Variants in MUC5B observed in about 807,000 individuals in gnomAD.
MUC5B encodes the protein mucin 5B, oligomeric mucus/gel-forming, also known as mucin-5B.
A neutral mutation model predicts 376.9 loss-of-function variants in MUC5B; 116 were observed. That is an observed-to-expected ratio of 0.31 (90% CI 0.26 to 0.36). MUC5B has a LOEUF of 0.36. Ranked by LOEUF, MUC5B falls within the 10% of genes least tolerant of loss-of-function variation. The pLI is 1.00. For missense variants in MUC5B, 7,165 were observed against 7,769.9 expected, an observed-to-expected ratio of 0.92 and a Z score of 2.93; for synonymous variants, 3,517 against 3,390.9, an observed-to-expected ratio of 1.04 and a Z score of -1.29.
chr11:1,239,715 G>C lies in MUC5B; in HGVS notation c.3584-84G>C, dbSNP rs1409023483. 2.7e-5 allele frequency: 40 copies of C among 1,500,214 alleles called. No individual in the cohort carries two copies. In the Admixed American group the frequency reaches 8.8e-4, roughly 33 times the overall value. The allele number at this position is 1,500,214 out of a possible 1,614,324, so 92.9% of individuals were successfully genotyped here. A position where few individuals can be genotyped will look rare whatever the true frequency, so the allele number is the denominator to read the frequency against. On this transcript the variant is annotated intron_variant, in intron 27 of 48. Coordinates refer to ENST00000529681, the MANE Select transcript of MUC5B (RefSeq NM_002458.3). ...GCAGGCCCCTGCTGGCTGGTGGGGG[G>C]CGGCTACTCCCTGCAGCATGGAGCC...
intron 33 of MUC5B, 55 bp from the exon 34 acceptor site, chr11:1,254,037 G>C (rs1212329548): frequency 1.3e-6 from 2 of 1,572,980 alleles, no homozygotes; most frequent in Admixed American, 3.6e-5. Context: ...CATGACGCCT[G>C]GGGAGCGAGG....
intron 44 of MUC5B, 54 bp from the exon 45 acceptor site, chr11:1,259,702 G>A (rs1412429345): frequency 6.3e-6 from 10 of 1,583,882 alleles, no homozygotes; most frequent in African/African-American, 5.4e-5. Flanking sequence ...AGGCTGGGCC[G>A]GGGCATGTGC....
At chr11:1,230,681 C>A in intron 12 of MUC5B, 81 bp downstream of exon 12, 1 of 1,324,386 alleles carries the variant, frequency 7.6e-7, no homozygotes, top group East Asian at 2.5e-5. Context: ...GTCAGGTCCC[C>A]CTCCAGCCCC....
At position 1,237,029 on chromosome 11, in the gene MUC5B, C is replaced by A; in HGVS notation, c.3162C>A (p.Ser1054Arg). Residue 1054 changes from serine to arginine, a missense_variant, in exon 25 of 49, where the codon AGC (serine) becomes AGA (arginine). Around this residue, in one of 31 missense-constraint regions of MUC5B, gnomAD observed 143 missense variants for 193.2 expected, o/e 0.74. Coordinates refer to ENST00000529681, the MANE Select transcript of MUC5B (RefSeq NM_002458.3). ...GGGACGCACTGGAGTTTGGGAACAGCTGGAAGCTCTCCCCCTCCTGCCCGG... is the reference window on the plus strand; with the variant it reads ...GGGACGCACTGGAGTTTGGGAACAGATGGAAGCTCTCCCCCTCCTGCCCGG... ...VVGDALEFGN[S>R]WKLSPSCPDA... 1.3e-6 allele frequency: 2 copies of A among 1,579,432 alleles called. No individual in the cohort carries two copies. The highest frequency in any genetic ancestry group is 1.7e-6 in the Non-Finnish European group (2 of 1,162,570).
At position 1,243,213 on chromosome 11, in the gene MUC5B, T is replaced by A. The variant is rs1222127168; in HGVS notation, c.6333T>A (p.Thr2111=). 1 of 1,578,854 alleles carries A rather than the reference T, an allele frequency of 6.3e-7. No homozygotes were observed. The highest frequency in any genetic ancestry group is 1.4e-5 in the African/African-American group (1 of 72,586). ...TATVLTTTTT[T]VATGSMATPS... The stretch of plus-strand genomic sequence containing the variant: ...CAGTGCTGACCACCACCACCACAAC[T>A]GTGGCCACTGGTTCTATGGCAACAC... The change falls in exon 31 of 49, where the codon ACT becomes ACA. Residue 2111 remains threonine (T), a synonymous_variant. Transcript: ENST00000529681.
rs145066684 is a variant in MUC5B at position 1,251,598 on chromosome 11, T to C, written c.14718T>C (p.Pro4906=). Reference sequence around the variant, plus strand: ...CCACCGTGGGGACCACCCGCACCCCTGCAGTGCTCCCCAGCAGCCTGCCAA... The same window carrying C: ...CCACCGTGGGGACCACCCGCACCCCCGCAGTGCTCCCCAGCAGCCTGCCAA... ...SSSTVGTTRT[P]AVLPSSLPTF... The change falls in exon 31 of 49, where the codon CCT becomes CCC. Residue 4906 remains proline (P), a synonymous_variant. Transcript: ENST00000529681. 0.027 allele frequency: 43,525 copies of C among 1,612,970 alleles called. 782 individuals carry two copies. The highest frequency in any genetic ancestry group is 0.03 in the Non-Finnish European group (35,303 of 1,179,776).
intron 25 of MUC5B, among the ~76,000 whole-genome samples, 177 bp from the exon 26 acceptor site, chr11:1,238,694 T>A (rs972869600): frequency 6.6e-6 from 1 of 152,106 alleles, no homozygotes; most frequent in Non-Finnish European, 1.5e-5. Flanking sequence ...GCTGGAGAAG[T>A]GCTGGGGCAG....
At position 1,260,617 on chromosome 11, in the gene MUC5B, T is replaced by A. The variant is rs901021329; in HGVS notation, c.16967-9T>A. On this transcript the variant is annotated splice_polypyrimidine_tract_variant and intron_variant, in intron 47 of 48. Transcript: ENST00000529681. ...AGTGGGGCTCCACATCTGCCTTTCC[T>A]CCTCCCAGACTCCTGTCAAGTCCGC... 1 of 1,610,268 alleles carries A rather than the reference T, an allele frequency of 6.2e-7. No homozygotes were observed.
In MUC5B at chr11:1,248,730, G is replaced by A. The variant is rs779878953; in HGVS notation, c.11850G>A (p.Thr3950=). 3.3e-5 allele frequency: 51 copies of A among 1,562,520 alleles called. No individual in the cohort carries two copies. The highest frequency in any genetic ancestry group is 1.7e-4 in the Middle Eastern group (1 of 5,996). ...TSGTPPSLIT[T]ATTITATGST... is the part of the protein sequence containing the mutation. ...GTACTCCCCCATCACTGATCACCACGGCCACTACGATCACGGCCACCGGCT... is the reference window on the plus strand; with the variant it reads ...GTACTCCCCCATCACTGATCACCACAGCCACTACGATCACGGCCACCGGCT... Residue 3950 remains threonine, a synonymous_variant, in exon 31 of 49, where the codon ACG becomes ACA. Transcript: ENST00000529681.
In MUC5B at chr11:1,245,757, T is replaced by C. The variant is rs763312302; in HGVS notation, c.8877T>C (p.Tyr2959=). The C allele has an allele frequency of 6.8e-6, 11 of 1,611,900 alleles. No individual in the cohort carries two copies. The African/African-American group carries it at 1.3e-4, about 20-fold the overall frequency. The change falls in exon 31 of 49, where the codon TAT becomes TAC. Residue 2959 remains tyrosine (Y), a synonymous_variant. Transcript: ENST00000529681. ...QVGKFKMCFN[Y]EIRVFCCNYG... ...GGAAGTTCAAGATGTGCTTCAACTA[T>C]GAAATCCGTGTGTTCTGCTGCAACT...
chr11:1,226,981 C>A, intron 4 of MUC5B, 50 bp from the exon 5 acceptor site: 2 of 1,563,536 alleles, frequency 1.3e-6, no homozygotes, highest in Non-Finnish European at 1.7e-6. Flanking sequence ...GTTGGGTGGG[C>A]AGGCAGCCAG....
intron 17 of MUC5B, 59 bp downstream of exon 17, chr11:1,232,829 T>C: frequency 2.0e-5 from 30 of 1,516,890 alleles, no homozygotes; most frequent in Non-Finnish European, 2.6e-5. Flanking sequence ...CGGGGGACCC[T>C]GGCCGGCAGC....
intron 7 of MUC5B, among the ~76,000 whole-genome samples, chr11:1,228,293 T>G (rs1291370753): frequency 6.6e-6 from 1 of 152,122 alleles, no homozygotes; most frequent in Admixed American, 6.5e-5. Flanking sequence ...CCTCCTTGGC[T>G]CCGCCTCCTG....
Position 1,248,059 on chromosome 11 carries a change from A to T in MUC5B, c.11179A>T (p.Thr3727Ser), listed in dbSNP as rs750791451. 1.9e-6 allele frequency: 3 copies of T among 1,605,418 alleles called. No individual in the cohort carries two copies. Among genetic ancestry groups the T allele is most frequent in the Non-Finnish European group, 2.5e-6 (3 of 1,176,764 alleles). Residue 3727 changes from threonine to serine, a missense_variant, in exon 31 of 49, where the codon ACT (threonine) becomes TCT (serine). By Grantham distance (58) the Thr-to-Ser change is moderately conservative. Coordinates refer to ENST00000529681, the MANE Select transcript of MUC5B (RefSeq NM_002458.3). ...CACCTGGATCCTCACAGAGCCGAGC[A>T]CTACAGCCACCGTGACGGTGCCCAC... ...GTTWILTEPSTTATVTVPTGS... is the reference protein window; with the variant it reads ...GTTWILTEPSSTATVTVPTGS...
chr11:1,254,634 C>A, intron 34 of MUC5B, 60 bp from the exon 35 acceptor site: 1 of 1,532,236 alleles, frequency 6.5e-7, no homozygotes, highest in Non-Finnish European at 8.8e-7. Context: ...AAGAGAAGCC[C>A]TGCTCCCCGA....
intron 48 of MUC5B, among the ~76,000 whole-genome samples, chr11:1,261,093 T>C (rs549506254): frequency 2.6e-5 from 4 of 152,106 alleles, no homozygotes; most frequent in Non-Finnish European, 4.4e-5. Flanking sequence ...GACCCTTAGC[T>C]AGAAGAGGCA....
At chr11:1,239,697 C>A in intron 27 of MUC5B, 102 bp from the exon 28 acceptor site, 1 of 1,492,454 alleles carries the variant, frequency 6.7e-7, no homozygotes, top group East Asian at 2.4e-5. Flanking sequence ...AGGGCAGGCC[C>A]CTGCTGGCTG....
At chr11:1,240,633 G>A (rs1862259551) in intron 30 of MUC5B, among the ~76,000 whole-genome samples, 1 of 152,192 alleles carries the variant, frequency 6.6e-6, no homozygotes, top group Non-Finnish European at 1.5e-5. Flanking sequence ...CCTCAGCACG[G>A]CCTATCCCAG....
intron 23 of MUC5B, 93 bp from the exon 24 acceptor site, chr11:1,236,293 A>T: frequency 7.7e-7 from 1 of 1,304,606 alleles, no homozygotes; most frequent in Non-Finnish European, 1.0e-6. Flanking sequence ...GCCCGTGCGC[A>T]CCTGCAGAGC....
Sources: gnomAD v4.1 joint callset for allele counts (sites outside exome capture counted in the v4.1 genomes callset) on GRCh38, gnomAD v4.1.1 for gene constraint, gnomAD v4.1.1 regional missense constraint, MANE v1.5 for transcripts, NCBI Gene and HGNC (gene_info 2026-07-23, HGNC 2026-07-21) for gene names.